The following GALNTL5 variants were observed in gnomAD, a reference collection of about 807,000 sequenced individuals.
The protein encoded by GALNTL5 is inactive polypeptide N-acetylgalactosaminyltransferase-like protein 5.
In GALNTL5, 44 loss-of-function variants were observed where a neutral mutation model predicts 51.0. That is an observed-to-expected ratio of 0.86 (90% confidence interval 0.68 to 1.11). The LOEUF is 1.11. Ranked by LOEUF, GALNTL5 falls within the 50% of genes least tolerant of loss-of-function variation. The pLI, the probability that GALNTL5 is intolerant of heterozygous loss-of-function variation, is 0.00. For missense variants in GALNTL5, 528 were observed against 531.8 expected (o/e 0.99, Z 0.07); for synonymous variants, 192 against 182.8 (o/e 1.05, Z -0.41).
intron 1 of GALNTL5, 140 bp downstream of exon 1, chr7:151,956,749 A>T (rs188640716): frequency 6.6e-6 from 1 of 152,162 alleles, no homozygotes; most frequent in East Asian, 1.9e-4. Context: ...GTTTAAGAAG[A>T]TTTATTTTAT....
rs574593884 is a variant in GALNTL5 at position 152,013,294 on chromosome 7, G to C, written c.1027-1350G>C. 1.9e-4 allele frequency among the ~76,000 whole-genome samples: 29 copies of C among 151,652 alleles called. 1 individual carries two copies. The highest frequency in any genetic ancestry group is 6.8e-4 in the African/African-American group (28 of 41,280). On this transcript the variant is annotated intron_variant, in intron 7 of 8. Transcript: ENST00000392800. ...ACCTGTGCTCAAAACCCCCAGACATGCATTTTACCCATGTAACACGCCTGC... is the reference window on the plus strand; with the variant it reads ...ACCTGTGCTCAAAACCCCCAGACATCCATTTTACCCATGTAACACGCCTGC...
intron 3 of GALNTL5, among the ~76,000 whole-genome samples, chr7:151,974,457 G>A (rs1411860772): frequency 6.6e-6 from 1 of 152,100 alleles, no homozygotes; most frequent in Non-Finnish European, 1.5e-5. Context: ...TTACATTAAG[G>A]ATATCCATGA....
chr7:151,967,892 C>T (rs1195426704), intron 2 of GALNTL5, among the ~76,000 whole-genome samples: 1 of 151,990 alleles, frequency 6.6e-6, no homozygotes, highest in Non-Finnish European at 1.5e-5. Context: ...ATATTGTGTT[C>T]TATATTTTTA....
intron 5 of GALNTL5, among the ~76,000 whole-genome samples, chr7:151,997,319 A>G (rs1307653288): frequency 6.6e-6 from 1 of 152,204 alleles, no homozygotes; most frequent in East Asian, 1.9e-4. Context: ...TCTAAAACCA[A>G]TAAATAGCAC....
At chr7:151,962,343 T>A (rs2178307) in intron 1 of GALNTL5, among the ~76,000 whole-genome samples, 76,014 of 150,966 alleles carry the variant, frequency 0.5, 19,798 homozygotes, top group Middle Eastern at 0.58. Context: ...TCTATTTTTT[T>A]AATTAATTTT....
At chr7:152,005,189 CA>C (rs2081628349) in intron 6 of GALNTL5, among the ~76,000 whole-genome samples, 1 of 151,046 alleles carries the variant, frequency 6.6e-6, no homozygotes, top group Non-Finnish European at 1.5e-5. Flanking sequence ...TAATGACGAC[CA>C]AAAAAGCTAG....
chr7:151,971,821 A>G (rs2081147707), intron 3 of GALNTL5, among the ~76,000 whole-genome samples: 1 of 149,796 alleles, frequency 6.7e-6, no homozygotes, highest in Admixed American at 6.6e-5. Flanking sequence ...TTTCCCCTGC[A>G]TTCTCTCTCT....
chr7:152,001,508 GA>G (rs577613763), intron 5 of GALNTL5, among the ~76,000 whole-genome samples: 1 of 152,196 alleles, frequency 6.6e-6, no homozygotes, highest in Non-Finnish European at 1.5e-5. Flanking sequence ...ACAATTTATT[GA>G]AAAGACTATA....
chr7:152,002,744 G>T lies in GALNTL5; in HGVS notation c.689G>T (p.Cys230Phe), dbSNP rs147840774. 154 of 1,614,046 alleles carry T rather than the reference G, an allele frequency of 9.5e-5. No homozygotes were observed. Among genetic ancestry groups the T allele is most frequent in the Non-Finnish European group, 3.6e-5 (42 of 1,180,018 alleles). The change falls in exon 6 of 9, where the codon TGT (cysteine) becomes TTT (phenylalanine). Residue 230 changes from cysteine (C) to phenylalanine (F), a missense_variant. By Grantham distance (205) the Cys-to-Phe change is radical (BLOSUM62 -2). Transcript: ENST00000392800. ...GDVLVFLDSH[C>F]EVNRVWLEPL... ...GTTCTGGTGTTCCTGGACAGCCACTGTGAGGTGAACAGAGTATGGCTGGAG... is the reference window on the plus strand; with the variant it reads ...GTTCTGGTGTTCCTGGACAGCCACTTTGAGGTGAACAGAGTATGGCTGGAG...
At chr7:151,983,183 TTTGTTG>T in intron 4 of GALNTL5, 31 bp downstream of exon 4, 1 of 1,547,042 alleles carries the variant, frequency 6.5e-7, no homozygotes, top group Non-Finnish European at 8.9e-7. Flanking sequence ...TCTCATCTAC[TTTGTTG>T]TTGTTGTTGT....
chr7:152,007,919 G>A lies in GALNTL5; in HGVS notation c.1001G>A (p.Arg334Lys). ...QYDKDMDFWG[R>K]ENLELSLRIW... The stretch of plus-strand genomic sequence containing the variant: ...GACAAGGATATGGATTTTTGGGGAA[G>A]AGAAAATTTGGAACTTTCACTAAGG... Residue 334 changes from arginine to lysine, a missense_variant, in exon 7 of 9, where the codon AGA becomes AAA. Transcript: ENST00000392800. 1.2e-6 allele frequency: 2 copies of A among 1,602,552 alleles called. No homozygotes were observed. The highest frequency in any genetic ancestry group is 1.7e-6 in the Non-Finnish European group (2 of 1,170,366).
intron 1 of GALNTL5, chr7:151,960,614 G>A (rs1422172402): frequency 6.6e-6 from 1 of 152,580 alleles, no homozygotes; most frequent in Non-Finnish European, 1.5e-5. Flanking sequence ...GCAGCTTCCA[G>A]AAGAGACTCC....
intron 5 of GALNTL5, among the ~76,000 whole-genome samples, chr7:151,994,784 G>A (rs1358452537): frequency 4.1e-5 from 6 of 146,864 alleles, no homozygotes; most frequent in Admixed American, 4.0e-4. Context: ...TTTTGACAGA[G>A]TCTCGTTCTG....
chr7:151,965,974 T>C (rs1327779458), intron 1 of GALNTL5, among the ~76,000 whole-genome samples: 1 of 152,122 alleles, frequency 6.6e-6, no homozygotes, highest in African/African-American at 2.4e-5. Context: ...CTATTATATA[T>C]ATATATAATC....
Position 152,019,899 on chromosome 7 carries a change from C to T in GALNTL5, c.*98C>T, listed in dbSNP as rs375507121. On this transcript the variant is annotated 3_prime_UTR_variant, in exon 9 of 9. Transcript: ENST00000392800. ...GTAAGTTTGGAACATCGTGGAATTA[C>T]GTGAAATGCAATTAAAAAAATATGA... 16 of 1,013,466 alleles carry T rather than the reference C, an allele frequency of 1.6e-5. No individual in the cohort carries two copies. The highest frequency in any genetic ancestry group is 6.6e-5 in the African/African-American group (4 of 60,874). 62.8% of individuals were successfully genotyped at this position (1,013,466 alleles called of 1,614,324 possible). A position where few individuals can be genotyped will look rare whatever the true frequency, so the allele number is the denominator to read the frequency against.
chr7:151,967,102 C>A (rs2081069792), intron 1 of GALNTL5, 106 bp from the exon 2 acceptor site: 1 of 646,796 alleles, frequency 1.5e-6, no homozygotes, highest in Admixed American at 2.9e-5. Context: ...TAAGGGCCAT[C>A]AACGTGATTG....
chr7:151,963,591 T>A (rs1465089418), intron 1 of GALNTL5, among the ~76,000 whole-genome samples: 3 of 152,102 alleles, frequency 2.0e-5, no homozygotes, highest in Non-Finnish European at 4.4e-5. Context: ...AGAGATGGGG[T>A]CTCACCATGT....
intron 5 of GALNTL5, among the ~76,000 whole-genome samples, chr7:152,000,971 T>A (rs1438140057): frequency 1.3e-5 from 2 of 149,916 alleles, no homozygotes; most frequent in Non-Finnish European, 3.0e-5. Flanking sequence ...AGTGGCACGA[T>A]CTTGGCTCAC....
At chr7:151,974,997 AT>A (rs979030770) in intron 3 of GALNTL5, among the ~76,000 whole-genome samples, 2 of 152,174 alleles carry the variant, frequency 1.3e-5, no homozygotes, top group African/African-American at 4.8e-5. Context: ...GTCCAACCAG[AT>A]TTTTAGCCAT....
Sources: allele counts gnomAD v4.1 joint callset (sites outside exome capture counted in the v4.1 genomes callset), GRCh38; gene constraint gnomAD v4.1.1; transcripts MANE v1.5; gene names NCBI Gene and HGNC (gene_info 2026-07-23, HGNC 2026-07-21).